DHTKD1: variants seen among roughly 807,000 people sequenced by gnomAD.
DHTKD1 encodes 2-oxoadipate dehydrogenase complex component E1.
A neutral mutation model predicts 101.8 loss-of-function variants in DHTKD1; 78 were observed. The observed-to-expected ratio is 0.77, with a 90% confidence interval of 0.64 to 0.93. The LOEUF (loss-of-function observed/expected upper bound fraction) is 0.93. DHTKD1 is among the 40% of genes least tolerant of loss of function. DHTKD1 has a pLI of 0.00. For synonymous variants in DHTKD1, 462 were observed against 450.3 expected (o/e 1.03, Z -0.33); for missense variants, 1,223 against 1,161.7 (o/e 1.05, Z -0.77).
intron 5 of DHTKD1, 130 bp downstream of exon 5, chr10:12,089,385 G>C: frequency 2.1e-6 from 2 of 952,096 alleles, no homozygotes; most frequent in East Asian, 2.5e-5. Flanking sequence ...AAAGATTCTG[G>C]GATTGTTTTA....
chr10:12,121,010 A>AG lies in DHTKD1; in HGVS notation c.*124dup. 1.3e-6 allele frequency: 1 copy of AG among 773,482 alleles called. No homozygotes were observed. Among genetic ancestry groups the AG allele is most frequent in the African/African-American group, 1.7e-5 (1 of 57,840 alleles). 47.9% of individuals were successfully genotyped at this position (773,482 alleles called of 1,614,324 possible). On this transcript the variant is annotated 3_prime_UTR_variant, in exon 17 of 17. Transcript: ENST00000263035. ...CAAGGCTGGTGGATCACCTGAGGTC[A>AG]GGAGTTCGAGACCAGCCTGGCCAAC...
chr10:12,107,805 G>C lies in DHTKD1; in HGVS notation c.2048-104G>C. 1.4e-6 allele frequency: 1 copy of C among 717,912 alleles called. No homozygotes were observed. Among genetic ancestry groups the C allele is most frequent in the Non-Finnish European group, 2.4e-6 (1 of 412,380 alleles). 44.5% of individuals were successfully genotyped at this position (717,912 alleles called of 1,614,324 possible). ...GGTGCATGTAATGAAAGCAGTTTTG[G>C]GGGGCCAGGCAGAAAACTAACATTG... On this transcript the variant is annotated intron_variant, in intron 11 of 16. Coordinates refer to ENST00000263035, the MANE Select transcript of DHTKD1 (RefSeq NM_018706.7). The surrounding 1 kb of genome is among the most constrained non-coding windows in gnomAD (Gnocchi z 4.1).
Position 12,091,411 on chromosome 10 carries a change from C to CAAAAAAAAAAAAAAAAAA in DHTKD1, c.988-100_988-83dup, listed in dbSNP as rs71382619. 3.6e-4 allele frequency: 70 copies of CAAAAAAAAAAAAAAAAAA among 193,066 alleles called. 4 individuals carry two copies. The highest frequency in any genetic ancestry group is 2.8e-3 in the African/African-American group (69 of 25,074). 12.0% of individuals were successfully genotyped at this position (193,066 alleles called of 1,614,324 possible). On this transcript the variant is annotated intron_variant, in intron 5 of 16. Transcript: ENST00000263035. ...TGGGCGAAAGAGCAAGACTCTGTCTCAAAAAAAAAAAAAAAAAAAGTTATT... is the reference window on the plus strand; with the variant it reads ...TGGGCGAAAGAGCAAGACTCTGTCTCAAAAAAAAAAAAAAAAAAAAAAAAAAAAAAAAAAAAAGTTATT...
chr10:12,120,679 T>G, intron 16 of DHTKD1, 108 bp from the exon 17 acceptor site: 1 of 946,172 alleles, frequency 1.1e-6, no homozygotes, highest in Non-Finnish European at 1.7e-6. Context: ...AAAGAGGTGA[T>G]TTATGGTTAA....
In DHTKD1 at chr10:12,087,539, T is replaced by C. The variant is rs376777974; in HGVS notation, c.527T>C (p.Phe176Ser). 1.1e-5 allele frequency: 17 copies of C among 1,595,164 alleles called. No homozygotes were observed. Among genetic ancestry groups the C allele is most frequent in the African/African-American group, 4.0e-5 (3 of 74,532 alleles). Residue 176 changes from phenylalanine to serine, a missense_variant, in exon 4 of 17, where the codon TTT becomes TCT. Transcript: ENST00000263035. This position sits in a 1 kb window ranked among gnomAD's most constrained non-coding sequence, Gnocchi z 5.2. ...LSKLMLESQE[F>S]DHFLATKFST... is the part of the protein sequence containing the mutation. ...GTCTGACATGATGTTCTGCAGGAGT[T>C]TGACCACTTTCTGGCCACCAAGTTC...
At position 12,087,837 on chromosome 10, in the gene DHTKD1, C is replaced by T. The variant is rs1410652187; in HGVS notation, c.717+108C>T. On this transcript the variant is annotated intron_variant, in intron 4 of 16. Transcript: ENST00000263035. This position sits in a 1 kb window ranked among gnomAD's most constrained non-coding sequence, Gnocchi z 5.2. ...AATGATGGTGATGGTGATGGCCGGG[C>T]ACTGTGGCTCACACCTGCAATCCCA... 26 of 974,692 alleles carry T rather than the reference C, an allele frequency of 2.7e-5. No homozygotes were observed. Among genetic ancestry groups the T allele is most frequent in the Non-Finnish European group, 3.6e-5 (25 of 690,202 alleles). The allele number at this position is 974,692 out of a possible 1,614,324, so 60.4% of individuals were successfully genotyped here.
At chr10:12,100,877 A>G (rs1833158338) in intron 9 of DHTKD1, among the ~76,000 whole-genome samples, 165 bp from the exon 10 acceptor site, 1 of 152,142 alleles carries the variant, frequency 6.6e-6, no homozygotes, top group African/African-American at 2.4e-5. Context: ...ATGCAATCTC[A>G]TCTTAACTAT....
In DHTKD1 at chr10:12,083,046, C is replaced by CA. The variant is rs989453505; in HGVS notation, c.310+1427dup. Among the ~76,000 whole-genome samples, 9 of 149,262 alleles carry CA rather than the reference C, an allele frequency of 6.0e-5. No homozygotes were observed. The East Asian group carries it at 7.9e-4, about 13-fold the overall frequency. On this transcript the variant is annotated intron_variant, in intron 2 of 16. Transcript: ENST00000263035. Reference sequence around the variant, plus strand: ...GTCCCAGCTACTCGGGAGGCTGAGGCAAAAAAAAGGAGCATCTAATAGCAA... The same window carrying CA: ...GTCCCAGCTACTCGGGAGGCTGAGGCAAAAAAAAAGGAGCATCTAATAGCAA...
At chr10:12,095,614 C>T (rs1833053520) in intron 7 of DHTKD1, among the ~76,000 whole-genome samples, 1 of 151,826 alleles carries the variant, frequency 6.6e-6, no homozygotes. Flanking sequence ...GAGATCGAGA[C>T]CATCCTGACT....
chr10:12,115,516 A>G (rs1448085123), intron 13 of DHTKD1, among the ~76,000 whole-genome samples: 2 of 152,090 alleles, frequency 1.3e-5, no homozygotes, highest in African/African-American at 4.8e-5. Flanking sequence ...TAGGTACCTT[A>G]CTTGACTCAC....
chr10:12,089,215 A>T lies in DHTKD1; in HGVS notation c.947A>T (p.Asp316Val), dbSNP rs774133368. ...CGCCAAGACGGCGATTACTCTCCAG[A>T]CAACTCAGCCCAGCCGGGGGACAGG... is the stretch of plus-strand genomic sequence containing the variant. ...QSRQDGDYSP[D>V]NSAQPGDRVI... The change falls in exon 5 of 17, where the codon GAC becomes GTC. Residue 316 changes from aspartate (D) to valine (V), a missense_variant. Coordinates refer to ENST00000263035, the MANE Select transcript of DHTKD1 (RefSeq NM_018706.7). The T allele has an allele frequency of 1.2e-6, 2 of 1,614,192 alleles. No homozygotes were observed. Among genetic ancestry groups the T allele is most frequent in the Admixed American group, 3.3e-5 (2 of 60,020 alleles).
intron 14 of DHTKD1, among the ~76,000 whole-genome samples, 187 bp from the exon 15 acceptor site, chr10:12,118,562 T>G (rs1352361427): frequency 6.6e-6 from 1 of 151,946 alleles, no homozygotes; most frequent in Non-Finnish European, 1.5e-5. Context: ...TTTTGTATTT[T>G]TAGTAGAGAC....
intron 6 of DHTKD1, 26 bp downstream of exon 6, chr10:12,091,710 A>T: frequency 6.2e-7 from 1 of 1,606,414 alleles, no homozygotes; most frequent in Non-Finnish European, 8.5e-7. Flanking sequence ...AGGAACTGAT[A>T]TTGCTGAAGC....
chr10:12,089,489 AAC>A (rs1832955857), intron 5 of DHTKD1, among the ~76,000 whole-genome samples: 2 of 152,094 alleles, frequency 1.3e-5, no homozygotes, highest in Non-Finnish European at 2.9e-5. Context: ...CTTATGAATT[AAC>A]TTGGGGTTTG....
Position 12,087,642 on chromosome 10 carries a change from C to T in DHTKD1, c.630C>T (p.Ala210=), listed in dbSNP as rs779613399. 4.3e-6 allele frequency: 7 copies of T among 1,613,952 alleles called. No homozygotes were observed. The South Asian group carries it at 5.5e-5, about 13-fold the overall frequency. The change falls in exon 4 of 17, where the codon GCC becomes GCT. Residue 210 remains alanine, a synonymous_variant. Coordinates refer to ENST00000263035, the MANE Select transcript of DHTKD1 (RefSeq NM_018706.7). This position sits in a 1 kb window ranked among gnomAD's most constrained non-coding sequence, Gnocchi z 5.2. The part of the protein sequence containing the change: ...GFFHELLKMS[A]YSGITDVIIG... ...TCCACGAGCTGCTGAAAATGTCGGC[C>T]TACAGCGGGATCACTGATGTCATTA... is the stretch of plus-strand genomic sequence containing the variant.
In DHTKD1 at chr10:12,110,702, C is replaced by T. The variant is rs149232155; in HGVS notation, c.2155-2198C>T. ...AATTTTCAGGTATATAATACGTTAACTACAGTTACCATCCTGTACAGTAGA... is the reference window on the plus strand; with the variant it reads ...AATTTTCAGGTATATAATACGTTAATTACAGTTACCATCCTGTACAGTAGA... On this transcript the variant is annotated intron_variant, in intron 12 of 16. Coordinates refer to ENST00000263035, the MANE Select transcript of DHTKD1 (RefSeq NM_018706.7). The surrounding 1 kb of genome is among the most constrained non-coding windows in gnomAD (Gnocchi z 4.9). Among the ~76,000 whole-genome samples, 851 of 152,094 alleles carry T rather than the reference C, an allele frequency of 5.6e-3. 12 individuals carry two copies. The highest frequency in any genetic ancestry group is 0.019 in the African/African-American group (800 of 41,478).
intron 1 of DHTKD1, among the ~76,000 whole-genome samples, chr10:12,070,905 A>G (rs1445053007): frequency 6.6e-6 from 1 of 152,172 alleles, no homozygotes; most frequent in Non-Finnish European, 1.5e-5. Context: ...ACAAGATACA[A>G]TGAACATACG....
rs556384043 is a variant in DHTKD1, at chr10:12,091,643, C to T, written c.1118C>T (p.Pro373Leu). The change falls in exon 6 of 17, where the codon CCA becomes CTA. Residue 373 changes from proline to leucine, a missense_variant. Coordinates refer to ENST00000263035, the MANE Select transcript of DHTKD1 (RefSeq NM_018706.7). ...AATAACCAGCTGGGTTACACCACTC[C>T]AGCTGAAAGAGGAAGGTCTTCTTTA... ...IVNNQLGYTT[P>L]AERGRSSLYC... 18 of 1,613,872 alleles carry T rather than the reference C, an allele frequency of 1.1e-5. No individual in the cohort carries two copies. The highest frequency in any genetic ancestry group is 2.2e-5 in the East Asian group (1 of 44,854).
chr10:12,111,045 C>CAAA (rs35420105), intron 12 of DHTKD1, among the ~76,000 whole-genome samples: 9 of 100,698 alleles, frequency 8.9e-5, no homozygotes, highest in South Asian at 6.8e-4. Context: ...GACCCTGTCT[C>CAAA]AAAAAAAAAA....
Sources: allele counts gnomAD v4.1 joint callset (sites outside exome capture counted in the v4.1 genomes callset), GRCh38; gene constraint gnomAD v4.1.1; non-coding constraint Gnocchi (gnomAD v3.1); transcripts MANE v1.5; gene names NCBI Gene and HGNC (gene_info 2026-07-23, HGNC 2026-07-21).